The following CHSY1 variants were observed in gnomAD, a reference collection of about 807,000 sequenced individuals.
The protein encoded by CHSY1 is N-acetylgalactosaminyl-proteoglycan 3-beta-glucuronosyltransferase 1.
A neutral mutation model predicts 59.8 loss-of-function variants in CHSY1; 13 were observed. That is an observed-to-expected ratio of 0.22 (90% CI 0.14 to 0.35). The LOEUF (loss-of-function observed/expected upper bound fraction) is 0.35. CHSY1 is among the 10% of genes least tolerant of loss of function. CHSY1 has a pLI of 1.00. For missense variants in CHSY1, 947 were observed against 1,030.6 expected (o/e 0.92, Z 1.11); for synonymous variants, 459 against 401.2 (o/e 1.14, Z -1.72).
chr15:101,241,636 A>G (rs892966699), intron 1 of CHSY1, among the ~76,000 whole-genome samples: 1 of 152,238 alleles, frequency 6.6e-6, no homozygotes, highest in South Asian at 2.1e-4. Flanking sequence ...TAGTTATTCT[A>G]CTAGTTACCA....
intron 1 of CHSY1, among the ~76,000 whole-genome samples, chr15:101,237,713 C>T (rs948379117): frequency 6.6e-6 from 1 of 152,208 alleles, no homozygotes; most frequent in Non-Finnish European, 1.5e-5. Flanking sequence ...TATCATATCG[C>T]ACTTTCCCTC....
intron 2 of CHSY1, among the ~76,000 whole-genome samples, chr15:101,193,997 T>C (rs749923335): frequency 6.6e-6 from 1 of 152,236 alleles, no homozygotes. Context: ...TCTTCCTCCA[T>C]GTGCTCAGGG....
chr15:101,223,167 G>C (rs2038807898), intron 2 of CHSY1, among the ~76,000 whole-genome samples: 2 of 152,094 alleles, frequency 1.3e-5, no homozygotes, highest in South Asian at 4.1e-4. Context: ...CTAATTTTTT[G>C]TATTTTTAGT....
At position 101,178,482 on chromosome 15, in the gene CHSY1, C is replaced by T. The variant is rs749284338; in HGVS notation, c.1315G>A (p.Val439Met). 1 of 1,614,238 alleles carries T rather than the reference C, an allele frequency of 6.2e-7. No homozygotes were observed. The highest frequency in any genetic ancestry group is 2.2e-5 in the East Asian group (1 of 44,884). Residue 439 changes from valine (V) to methionine (M), a missense_variant, in exon 3 of 3, where the codon GTG becomes ATG. Physicochemically the swap from Val to Met is conservative, Grantham distance 21. Coordinates refer to ENST00000254190, the MANE Select transcript of CHSY1 (RefSeq NM_014918.5). ...TACTCAGCCCCATACATGGGGTTCA[C>T]CCGGCGGTAGCCGTACTGGATCTCT... Reference protein sequence around the residue: ...FKEIQYGYRRVNPMYGAEYIL... With the variant: ...FKEIQYGYRRMNPMYGAEYIL...
intron 2 of CHSY1, among the ~76,000 whole-genome samples, chr15:101,201,176 A>G (rs561696877): frequency 6.6e-6 from 1 of 152,316 alleles, no homozygotes; most frequent in South Asian, 2.1e-4. Context: ...ATCTCCTTTA[A>G]TTCCTCTTAG....
intron 2 of CHSY1, among the ~76,000 whole-genome samples, chr15:101,184,309 A>G (rs745485736): frequency 5.3e-5 from 8 of 152,242 alleles, no homozygotes; most frequent in Non-Finnish European, 7.3e-5. Context: ...GTTTTAAACT[A>G]CAGTGAAAGT....
At position 101,176,803 on chromosome 15, in the gene CHSY1, G is replaced by C. The variant is rs1472234892; in HGVS notation, c.*585C>G. On this transcript the variant is annotated 3_prime_UTR_variant, in exon 3 of 3. Coordinates refer to ENST00000254190, the MANE Select transcript of CHSY1 (RefSeq NM_014918.5). Reference sequence around the variant, plus strand: ...AGAGTGAGACTCCGTCTCAAAAAAAGAACAAAACAAAACAAACAAAAAACC... The same window carrying C: ...AGAGTGAGACTCCGTCTCAAAAAAACAACAAAACAAAACAAACAAAAAACC... 5.8e-6 allele frequency: 1 copy of C among 171,560 alleles called. No individual in the cohort carries two copies. Among genetic ancestry groups the C allele is most frequent in the African/African-American group, 2.4e-5 (1 of 42,208 alleles). 10.6% of individuals were successfully genotyped at this position (171,560 alleles called of 1,614,324 possible). A position where few individuals can be genotyped will look rare whatever the true frequency, so the allele number is the denominator to read the frequency against.
In CHSY1 at chr15:101,184,103, G is replaced by T. The variant is rs535155269; in HGVS notation, c.817-5123C>A. 1.3e-4 allele frequency among the ~76,000 whole-genome samples: 20 copies of T among 152,332 alleles called. No individual in the cohort carries two copies. In the East Asian group the frequency reaches 3.9e-3, roughly 29 times the overall value. ...ACAGGGAGGGCGGGCCCCCACGGGAGGCCTCTACATGACTGACTACTTCTC... is the reference window on the plus strand; with the variant it reads ...ACAGGGAGGGCGGGCCCCCACGGGATGCCTCTACATGACTGACTACTTCTC... On this transcript the variant is annotated intron_variant, in intron 2 of 2. Coordinates refer to ENST00000254190, the MANE Select transcript of CHSY1 (RefSeq NM_014918.5).
intron 2 of CHSY1, among the ~76,000 whole-genome samples, chr15:101,182,074 C>G (rs753438776): frequency 2.6e-5 from 4 of 152,128 alleles, no homozygotes; most frequent in Non-Finnish European, 5.9e-5. Context: ...CAAAATCAAC[C>G]GTCTGTATCT....
intron 2 of CHSY1, among the ~76,000 whole-genome samples, chr15:101,204,641 C>A (rs769609424): frequency 1.8e-4 from 27 of 152,228 alleles, no homozygotes; most frequent in African/African-American, 6.0e-4. Flanking sequence ...TGGTGGCTCA[C>A]ACCTGTAATC....
intron 2 of CHSY1, among the ~76,000 whole-genome samples, chr15:101,192,966 T>C (rs549666134): frequency 2.6e-5 from 4 of 152,306 alleles, no homozygotes; most frequent in African/African-American, 9.6e-5. Context: ...TTATGTGATT[T>C]TATATAATAA....
At chr15:101,217,728 T>C (rs751285993) in intron 2 of CHSY1, among the ~76,000 whole-genome samples, 19 of 152,208 alleles carry the variant, frequency 1.2e-4, no homozygotes, top group Non-Finnish European at 2.8e-4. Context: ...CATGGGGCCA[T>C]ATTGACATAA....
chr15:101,233,606 C>T (rs578064469), intron 2 of CHSY1, among the ~76,000 whole-genome samples: 29 of 152,272 alleles, frequency 1.9e-4, no homozygotes, highest in African/African-American at 5.8e-4. Context: ...AGAGAGATCC[C>T]GTAGGCCCAG....
chr15:101,240,123 G>C (rs2038987980), intron 1 of CHSY1, among the ~76,000 whole-genome samples: 1 of 152,166 alleles, frequency 6.6e-6, no homozygotes, highest in South Asian at 2.1e-4. Context: ...TGTTCTAAAT[G>C]ACTGGTGGTT....
intron 2 of CHSY1, among the ~76,000 whole-genome samples, chr15:101,191,006 T>A (rs1184142260): frequency 6.6e-6 from 1 of 152,116 alleles, no homozygotes; most frequent in Non-Finnish European, 1.5e-5. Context: ...AGGAAGACAG[T>A]TTGGCAGTTT....
At chr15:101,227,596 G>C (rs1175452974) in intron 2 of CHSY1, among the ~76,000 whole-genome samples, 1 of 152,194 alleles carries the variant, frequency 6.6e-6, no homozygotes, top group African/African-American at 2.4e-5. Context: ...AAGGCCACAC[G>C]CATGTGTGGG....
rs1424399183 is a variant in CHSY1, at chr15:101,178,011, T to C, written c.1786A>G (p.Lys596Glu). ...ACAGGCAAAATCTGCATGTCGGCTT[T>C]AGGGTACTTAATGCGGTAATCTCTC... is the stretch of plus-strand genomic sequence containing the variant. ...LMRDYRIKYP[K>E]ADMQILPVSG... Residue 596 changes from lysine (K) to glutamate (E), a missense_variant, in exon 3 of 3, where the codon AAA (lysine) becomes GAA (glutamate). Around this residue, in one of 4 missense-constraint regions of CHSY1, gnomAD observed 602 missense variants for 676.9 expected, o/e 0.89. Transcript: ENST00000254190. The C allele has an allele frequency of 1.2e-6, 2 of 1,614,174 alleles. No homozygotes were observed. Among genetic ancestry groups the C allele is most frequent in the Non-Finnish European group, 1.7e-6 (2 of 1,180,024 alleles).
intron 2 of CHSY1, among the ~76,000 whole-genome samples, chr15:101,233,627 C>T (rs2038912477): frequency 6.6e-6 from 1 of 152,090 alleles, no homozygotes; most frequent in South Asian, 2.1e-4. Flanking sequence ...TGAGCTGTCC[C>T]CTATGTGCTG....
chr15:101,194,083 G>A (rs1056949764), intron 2 of CHSY1, among the ~76,000 whole-genome samples: 2 of 152,250 alleles, frequency 1.3e-5, no homozygotes, highest in Non-Finnish European at 2.9e-5. Flanking sequence ...TTTTAAAAGT[G>A]AAAGTGACTC....
Sources: allele counts gnomAD v4.1 joint callset (sites outside exome capture counted in the v4.1 genomes callset), GRCh38; gene constraint gnomAD v4.1.1; regional missense constraint gnomAD v4.1.1; transcripts MANE v1.5; gene names NCBI Gene and HGNC (gene_info 2026-07-23, HGNC 2026-07-21).